NRXN3: variants seen among roughly 807,000 people sequenced by gnomAD.
NRXN3 encodes neurexin 3.
Under a neutral mutation model 137.6 loss-of-function variants are expected in NRXN3, and 32 were observed. That is an observed-to-expected ratio of 0.23 (90% CI 0.18 to 0.31). The LOEUF is 0.31. Among genes scored for constraint, NRXN3 ranks in the 10% least tolerant of loss-of-function variants. NRXN3 has a pLI of 1.00. For synonymous variants in NRXN3, 798 were observed against 784.5 expected (o/e 1.02, Z -0.29); for missense variants, 1,574 against 2,062.5 (o/e 0.76, Z 4.59).
At chr14:78,530,863 A>G (rs1348099136) in intron 4 of NRXN3, among the ~76,000 whole-genome samples, 1 of 152,216 alleles carries the variant, frequency 6.6e-6, no homozygotes, top group East Asian at 1.9e-4. Flanking sequence ...GCAAAGTGAT[A>G]CATTGTCCCC....
At chr14:78,896,739 GT>G (rs1426133727) in intron 10 of NRXN3, among the ~76,000 whole-genome samples, 2 of 151,900 alleles carry the variant, frequency 1.3e-5, no homozygotes, top group Non-Finnish European at 2.9e-5. Flanking sequence ...AAAATTGAAT[GT>G]TTATCAATAA....
chr14:79,550,775 G>A (rs916768381), intron 16 of NRXN3, among the ~76,000 whole-genome samples: 1 of 152,172 alleles, frequency 6.6e-6, no homozygotes, highest in Non-Finnish European at 1.5e-5. Context: ...CTTTGGTTAA[G>A]TTGCTGAACT....
At chr14:78,250,696 A>T (rs1000590924) in intron 2 of NRXN3, among the ~76,000 whole-genome samples, 1 of 152,196 alleles carries the variant, frequency 6.6e-6, no homozygotes, top group East Asian at 1.9e-4. Context: ...TGAACGTGTC[A>T]TGGGTGCAAG....
At chr14:79,219,865 A>C (rs1461232467) in intron 15 of NRXN3, among the ~76,000 whole-genome samples, 1 of 152,202 alleles carries the variant, frequency 6.6e-6, no homozygotes, top group Non-Finnish European at 1.5e-5. Flanking sequence ...TTTCCCATCA[A>C]AATGGGAACA....
intron 19 of NRXN3, among the ~76,000 whole-genome samples, chr14:79,699,566 T>C (rs1436513552): frequency 1.3e-5 from 2 of 152,024 alleles, no homozygotes; most frequent in Admixed American, 1.3e-4. Flanking sequence ...TTCCCTCCTG[T>C]AGCACATACA....
chr14:79,596,738 G>A (rs1050621009), intron 16 of NRXN3, among the ~76,000 whole-genome samples: 10 of 152,172 alleles, frequency 6.6e-5, no homozygotes, highest in African/African-American at 9.6e-5. Flanking sequence ...GTCTCTGGTC[G>A]GGGAGGGGTT....
intron 15 of NRXN3, among the ~76,000 whole-genome samples, chr14:79,082,223 A>G (rs1418640309): frequency 6.6e-6 from 1 of 152,142 alleles, no homozygotes; most frequent in Admixed American, 6.5e-5. Context: ...TGTACGTAAA[A>G]TTTAGGTGTT....
Position 78,799,704 on chromosome 14 carries a change from T to C in NRXN3, c.2045-3916T>C, listed in dbSNP as rs1423456667. 2.0e-5 allele frequency among the ~76,000 whole-genome samples: 3 copies of C among 152,220 alleles called. No homozygotes were observed. The East Asian group carries it at 5.8e-4, about 29-fold the overall frequency. On this transcript the variant is annotated intron_variant, in intron 8 of 20. Coordinates refer to ENST00000335750, the MANE Select transcript of NRXN3 (RefSeq NM_001330195.2). ...TATGTTTCATGGATTCACAGTTCCA[T>C]GTGGCTGGGGACACCTCACAATCAC... is the stretch of plus-strand genomic sequence containing the variant.
At chr14:78,721,243 G>A (rs2098458303) in intron 8 of NRXN3, among the ~76,000 whole-genome samples, 2 of 152,176 alleles carry the variant, frequency 1.3e-5, no homozygotes, top group Non-Finnish European at 2.9e-5. Flanking sequence ...TATAATAATG[G>A]TGGTTGCTTT....
chr14:79,504,639 T>TATATATATATATATA (rs60009832), intron 16 of NRXN3, among the ~76,000 whole-genome samples: 1,153 of 93,072 alleles, frequency 0.012, 82 homozygotes, highest in African/African-American at 0.015. Context: ...AAATGAAGTT[T>TATATATATATATATA]TTTATATATA....
At position 78,604,854 on chromosome 14, in the gene NRXN3, C is replaced by G. The variant is rs2097234877; in HGVS notation, c.758-40266C>G. Among the ~76,000 whole-genome samples, 2 of 152,122 alleles carry G rather than the reference C, an allele frequency of 1.3e-5. 1 individual carries two copies. Among genetic ancestry groups the G allele is most frequent in the East Asian group, 3.9e-4 (2 of 5,192 alleles). On this transcript the variant is annotated intron_variant, in intron 4 of 20. Coordinates refer to ENST00000335750, the MANE Select transcript of NRXN3 (RefSeq NM_001330195.2). ...AATTATGAATGATAACAATAAAGAT[C>G]CATGTTCAAAGTATTGAAAGCACTG...
chr14:79,774,811 C>T (rs2099091481), intron 19 of NRXN3, among the ~76,000 whole-genome samples: 1 of 152,022 alleles, frequency 6.6e-6, no homozygotes. Context: ...ATAATCTTTG[C>T]TCTCTATTTT....
At chr14:78,287,633 G>T (rs914249122) in intron 3 of NRXN3, among the ~76,000 whole-genome samples, 5 of 152,176 alleles carry the variant, frequency 3.3e-5, no homozygotes, top group Admixed American at 2.6e-4. Flanking sequence ...CATTCCAACA[G>T]CACTGAACAT....
chr14:79,582,353 A>G (rs762943207), intron 16 of NRXN3, among the ~76,000 whole-genome samples: 1 of 152,210 alleles, frequency 6.6e-6, no homozygotes, highest in Admixed American at 6.5e-5. Flanking sequence ...ATCCAGATTT[A>G]AAAATTCTCA....
At chr14:79,222,139 C>T (rs1382612029) in intron 15 of NRXN3, among the ~76,000 whole-genome samples, 1 of 152,084 alleles carries the variant, frequency 6.6e-6, no homozygotes, top group Non-Finnish European at 1.5e-5. Context: ...CAGTACCATG[C>T]TGTTTTGGTT....
At chr14:79,395,773 C>T (rs1010015151) in intron 15 of NRXN3, among the ~76,000 whole-genome samples, 1 of 146,034 alleles carries the variant, frequency 6.8e-6, no homozygotes, top group South Asian at 2.2e-4. Context: ...CATGCCACTG[C>T]ACTCCCCGCT....
intron 19 of NRXN3, among the ~76,000 whole-genome samples, chr14:79,790,430 G>C: frequency 6.6e-6 from 1 of 151,968 alleles, no homozygotes. Context: ...AGCTTCCTGA[G>C]TGGCTGGGAC....
chr14:79,432,101 A>T (rs1400196141), intron 15 of NRXN3, among the ~76,000 whole-genome samples: 3 of 123,064 alleles, frequency 2.4e-5, no homozygotes, highest in Non-Finnish European at 5.1e-5. Context: ...GGGGCCCCTC[A>T]GTGTAATATC....
chr14:78,396,375 G>A (rs936442847), intron 4 of NRXN3, among the ~76,000 whole-genome samples: 2 of 152,100 alleles, frequency 1.3e-5, no homozygotes, highest in African/African-American at 4.8e-5. Flanking sequence ...ACAGAATTTA[G>A]AAGGCTCAAA....
Sources: gnomAD v4.1 joint callset for allele counts (sites outside exome capture counted in the v4.1 genomes callset) on GRCh38, gnomAD v4.1.1 for gene constraint, MANE v1.5 for transcripts, NCBI Gene and HGNC (gene_info 2026-07-23, HGNC 2026-07-21) for gene names.